NEDD4L: variants seen among roughly 807,000 people sequenced by gnomAD.
The protein encoded by NEDD4L is E3 ubiquitin-protein ligase NEDD4-like.
Under a neutral mutation model 148.9 loss-of-function variants are expected in NEDD4L, and 54 were observed. The observed-to-expected ratio is 0.36, with a 90% CI of 0.29 to 0.45. The LOEUF (loss-of-function observed/expected upper bound fraction) is 0.45, where lower values mean the gene tolerates loss of function less well. NEDD4L is among the 20% of genes least tolerant of loss of function. NEDD4L has a pLI of 1.00. For synonymous variants in NEDD4L, 433 were observed against 440.7 expected, an observed-to-expected ratio of 0.98 and a Z score of 0.22; for missense variants, 856 against 1,233.8, an observed-to-expected ratio of 0.69 and a Z score of 4.59.
chr18:58,115,372 A>G (rs752767222), intron 1 of NEDD4L, among the ~76,000 whole-genome samples: 1 of 151,722 alleles, frequency 6.6e-6, no homozygotes, highest in Non-Finnish European at 1.5e-5. Flanking sequence ...GGGAGATGCA[A>G]TTCCCTGCTT....
intron 2 of NEDD4L, among the ~76,000 whole-genome samples, chr18:58,221,012 G>A (rs577838899): frequency 6.6e-6 from 1 of 152,322 alleles, no homozygotes; most frequent in South Asian, 2.1e-4. Context: ...CAGATTTACA[G>A]GGCGGGGCTG....
chr18:58,081,573 T>A (rs900849786), intron 1 of NEDD4L, among the ~76,000 whole-genome samples: 9 of 152,134 alleles, frequency 5.9e-5, no homozygotes, highest in Admixed American at 5.9e-4. Context: ...AAAGGACGTT[T>A]GAACACTTTA....
intron 1 of NEDD4L, among the ~76,000 whole-genome samples, chr18:58,103,102 G>C (rs1480234048): frequency 6.6e-6 from 1 of 151,862 alleles, no homozygotes; most frequent in East Asian, 1.9e-4. Flanking sequence ...GAACTGAGTA[G>C]AATGGACAGG....
intron 1 of NEDD4L, among the ~76,000 whole-genome samples, chr18:58,067,034 A>C (rs1209224334): frequency 6.6e-6 from 1 of 152,210 alleles, no homozygotes; most frequent in Non-Finnish European, 1.5e-5. Flanking sequence ...TTTAAAAAAA[A>C]ATTTTTAAGA....
intron 10 of NEDD4L, 64 bp from the exon 11 acceptor site, chr18:58,330,674 T>G: frequency 1.5e-6 from 2 of 1,306,188 alleles, no homozygotes; most frequent in Non-Finnish European, 2.0e-6. Context: ...CATGGTTTCA[T>G]TGGGGAGCTG....
In NEDD4L at chr18:58,291,306, C is replaced by T. The variant is rs371105935; in HGVS notation, c.298-24676C>T. Among the ~76,000 whole-genome samples the T allele has an allele frequency of 1.0e-3, 152 of 152,344 alleles. 3 individuals carry two copies. The South Asian group carries it at 0.028, about 28-fold the overall frequency. On this transcript the variant is annotated intron_variant, in intron 5 of 30. Coordinates refer to ENST00000400345, the MANE Select transcript of NEDD4L (RefSeq NM_001144967.3). ...CCCACTCAGAGGTGAGATAGGTCAC[C>T]TTTTCTCATTAGCCAAAACTGGTAA...
intron 2 of NEDD4L, among the ~76,000 whole-genome samples, chr18:58,168,895 T>C (rs558242492): frequency 5.3e-4 from 81 of 152,264 alleles, no homozygotes; most frequent in Admixed American, 1.2e-3. Context: ...CCACTTGGCC[T>C]GAGGTTGGGA....
chr18:58,232,661 GT>G (rs1175958542), intron 2 of NEDD4L, among the ~76,000 whole-genome samples: 1 of 152,154 alleles, frequency 6.6e-6, no homozygotes, highest in African/African-American at 2.4e-5. Flanking sequence ...GTTGATTATA[GT>G]TTTTTCTTTC....
chr18:58,324,930 G>A, intron 8 of NEDD4L, 66 bp from the exon 9 acceptor site: 1 of 1,458,972 alleles, frequency 6.9e-7, no homozygotes, highest in Non-Finnish European at 9.5e-7. Flanking sequence ...AGGGCATGCT[G>A]TGATGACCTC....
intron 27 of NEDD4L, 88 bp from the exon 28 acceptor site, chr18:58,388,997 C>A: frequency 2.0e-6 from 2 of 1,024,408 alleles, no homozygotes; most frequent in Non-Finnish European, 3.0e-6. Context: ...ACAGTGACCA[C>A]ATGCTGGCAC....
chr18:58,346,299 T>TA (rs2043063809), intron 16 of NEDD4L, among the ~76,000 whole-genome samples: 1 of 152,226 alleles, frequency 6.6e-6, no homozygotes, highest in Admixed American at 6.5e-5. Context: ...ACTCAAGCAA[T>TA]AAATGCTTAT....
intron 1 of NEDD4L, among the ~76,000 whole-genome samples, chr18:58,161,632 G>A (rs1340765277): frequency 2.0e-5 from 3 of 152,064 alleles, no homozygotes. Context: ...CATTGTACTG[G>A]AGGGTAGACT....
At chr18:58,376,105 A>G (rs1294279508) in intron 24 of NEDD4L, among the ~76,000 whole-genome samples, 1 of 152,156 alleles carries the variant, frequency 6.6e-6, no homozygotes, top group Non-Finnish European at 1.5e-5. Context: ...CAATTCAGAA[A>G]ACTATTAAGC....
rs1251142166 is a variant in NEDD4L at position 58,254,896 on chromosome 18, C to T, written c.297+2842C>T. Among the ~76,000 whole-genome samples the T allele has an allele frequency of 5.9e-5, 9 of 152,302 alleles. No individual in the cohort carries two copies. The East Asian group carries it at 1.7e-3, about 29-fold the overall frequency. ...CCTGCTCTAATTATTTAGCATTAAACGGACACTAACTCTGTAGGGTGTGTA... is the reference window on the plus strand; with the variant it reads ...CCTGCTCTAATTATTTAGCATTAAATGGACACTAACTCTGTAGGGTGTGTA... On this transcript the variant is annotated intron_variant, in intron 5 of 30. Coordinates refer to ENST00000400345, the MANE Select transcript of NEDD4L (RefSeq NM_001144967.3).
At chr18:58,368,530 T>C (rs528975090) in intron 22 of NEDD4L, among the ~76,000 whole-genome samples, 10 of 152,272 alleles carry the variant, frequency 6.6e-5, no homozygotes, top group Admixed American at 2.6e-4. Context: ...GAAATACTTT[T>C]TAAGAGCCTG....
intron 2 of NEDD4L, among the ~76,000 whole-genome samples, chr18:58,207,141 A>G (rs1489387108): frequency 6.6e-6 from 1 of 152,226 alleles, no homozygotes; most frequent in Non-Finnish European, 1.5e-5. Context: ...TGAAAAAGAT[A>G]CAAGGATATC....
chr18:58,059,394 C>A (rs187455961), intron 1 of NEDD4L, among the ~76,000 whole-genome samples: 192 of 146,956 alleles, frequency 1.3e-3, no homozygotes, highest in Non-Finnish European at 1.7e-3. Context: ...TACCATATTT[C>A]CCCCCCAGAG....
chr18:58,357,910 T>C (rs1283075868), intron 19 of NEDD4L, among the ~76,000 whole-genome samples: 1 of 152,196 alleles, frequency 6.6e-6, no homozygotes, highest in Non-Finnish European at 1.5e-5. Context: ...TTAACAAGTC[T>C]GTAGAATGGG....
chr18:58,113,425 C>T (rs1356391581), intron 1 of NEDD4L, among the ~76,000 whole-genome samples: 1 of 152,176 alleles, frequency 6.6e-6, no homozygotes, highest in African/African-American at 2.4e-5. Context: ...AGGGGCTTCT[C>T]AAATTGAGTT....
Sources: allele counts gnomAD v4.1 joint callset (sites outside exome capture counted in the v4.1 genomes callset), GRCh38; gene constraint gnomAD v4.1.1; transcripts MANE v1.5; gene names NCBI Gene and HGNC (gene_info 2026-07-23, HGNC 2026-07-21).